Variants in CNTN5 observed in about 807,000 individuals in gnomAD.
CNTN5 encodes the protein contactin-5.
A neutral mutation model predicts 129.1 loss-of-function variants in CNTN5; 77 were observed. That is an observed-to-expected ratio of 0.60 (90% CI 0.50 to 0.72). CNTN5 has a LOEUF of 0.72. Among genes scored for constraint, CNTN5 ranks in the 30% least tolerant of loss-of-function variants. The pLI, the probability that CNTN5 is intolerant of heterozygous loss-of-function variation, is 0.00. For missense variants in CNTN5, 1,478 were observed against 1,328.8 expected, an observed-to-expected ratio of 1.11 and a Z score of -1.75; for synonymous variants, 509 against 465.6, an observed-to-expected ratio of 1.09 and a Z score of -1.20.
chr11:99,958,345 C>T (rs1447374173), intron 8 of CNTN5, among the ~76,000 whole-genome samples: 1 of 152,154 alleles, frequency 6.6e-6, no homozygotes, highest in Non-Finnish European at 1.5e-5. Flanking sequence ...GGCTAGCATA[C>T]ACAAATATTT....
At chr11:100,209,155 C>A (rs937817581) in intron 15 of CNTN5, among the ~76,000 whole-genome samples, 1 of 152,118 alleles carries the variant, frequency 6.6e-6, no homozygotes, top group Non-Finnish European at 1.5e-5. Flanking sequence ...GATCCAGGAC[C>A]ATTACTGTAG....
intron 1 of CNTN5, among the ~76,000 whole-genome samples, chr11:99,165,129 T>C (rs1239878436): frequency 6.6e-6 from 1 of 152,182 alleles, no homozygotes; most frequent in Non-Finnish European, 1.5e-5. Context: ...TTATTGCAAA[T>C]GAGCGTTTAT....
At chr11:100,232,077 C>T in intron 16 of CNTN5, among the ~76,000 whole-genome samples, 1 of 152,014 alleles carries the variant, frequency 6.6e-6, no homozygotes, top group East Asian at 1.9e-4. Flanking sequence ...TTGCTTGAAC[C>T]TGGGAGGGGG....
At chr11:99,294,102 G>A (rs905416480) in intron 1 of CNTN5, among the ~76,000 whole-genome samples, 2 of 152,062 alleles carry the variant, frequency 1.3e-5, no homozygotes, top group African/African-American at 2.4e-5. Context: ...ATTTGGGAAT[G>A]TTGTGTTTTC....
intron 1 of CNTN5, among the ~76,000 whole-genome samples, chr11:99,229,468 T>C (rs967368937): frequency 7.2e-6 from 1 of 139,476 alleles, no homozygotes; most frequent in African/African-American, 2.7e-5. Flanking sequence ...AAGTTTGAAA[T>C]AGGAACTAAA....
intron 3 of CNTN5, among the ~76,000 whole-genome samples, chr11:99,801,959 C>G (rs540572726): frequency 2.5e-4 from 38 of 152,232 alleles, no homozygotes; most frequent in East Asian, 1.5e-3. Context: ...TTTTATGGTG[C>G]CAGAATTCTG....
At chr11:99,324,425 C>G (rs866057662) in intron 1 of CNTN5, among the ~76,000 whole-genome samples, 1 of 152,218 alleles carries the variant, frequency 6.6e-6, no homozygotes, top group Middle Eastern at 3.4e-3. Flanking sequence ...TTTGTCCTCA[C>G]TAAATTTTTA....
intron 6 of CNTN5, 78 bp downstream of exon 6, chr11:99,845,340 G>C (rs1051529167): frequency 2.8e-5 from 13 of 464,692 alleles, no homozygotes; most frequent in Non-Finnish European, 4.2e-5. Flanking sequence ...ATTTAGTTCA[G>C]GAAAGAAAAG....
At chr11:100,302,736 A>T (rs1311682148) in intron 20 of CNTN5, among the ~76,000 whole-genome samples, 3 of 151,618 alleles carry the variant, frequency 2.0e-5, no homozygotes, top group African/African-American at 7.3e-5. Flanking sequence ...TCCCAATGGA[A>T]CATGGATAAT....
At chr11:99,355,824 T>TG (rs1452540649) in intron 2 of CNTN5, among the ~76,000 whole-genome samples, 108 of 149,916 alleles carry the variant, frequency 7.2e-4, no homozygotes, top group South Asian at 3.6e-3. Flanking sequence ...TTTTTTTGTT[T>TG]TTTTTTTTTT....
intron 13 of CNTN5, among the ~76,000 whole-genome samples, chr11:100,094,759 G>A (rs1263643416): frequency 8.6e-6 from 1 of 116,414 alleles, no homozygotes; most frequent in African/African-American, 3.3e-5. Flanking sequence ...GAGGGAGGGA[G>A]GGAGGAAAGG....
chr11:100,001,111 T>C (rs1038358992), intron 8 of CNTN5, among the ~76,000 whole-genome samples: 1 of 152,204 alleles, frequency 6.6e-6, no homozygotes, highest in Non-Finnish European at 1.5e-5. Context: ...TCGTTACTTA[T>C]GCAAATTTCT....
intron 6 of CNTN5, among the ~76,000 whole-genome samples, chr11:99,892,807 G>A (rs1361434626): frequency 1.3e-5 from 2 of 152,122 alleles, no homozygotes; most frequent in African/African-American, 2.4e-5. Context: ...CCTTGGCTAT[G>A]TGGGCTCTTT....
At chr11:100,185,217 TG>T (rs1387157003) in intron 13 of CNTN5, among the ~76,000 whole-genome samples, 1 of 152,124 alleles carries the variant, frequency 6.6e-6, no homozygotes, top group Non-Finnish European at 1.5e-5. Context: ...TTTTAACTTT[TG>T]GGGGGTTTTG....
chr11:99,803,081 A>C lies in CNTN5; in HGVS notation c.56-16463A>C, dbSNP rs116338901. On this transcript the variant is annotated intron_variant, in intron 3 of 24. Coordinates refer to ENST00000524871, the MANE Select transcript of CNTN5 (RefSeq NM_014361.4). ...CAAATGTCTGAAGATCTGCCTGGGC[A>C]TAGAGCAAATAGTGCCCCCCTGCAC... is the stretch of plus-strand genomic sequence containing the variant. 1.5e-3 allele frequency among the ~76,000 whole-genome samples: 225 copies of C among 152,306 alleles called. 1 individual carries two copies. The highest frequency in any genetic ancestry group is 5.1e-3 in the African/African-American group (211 of 41,572).
chr11:99,779,506 T>C (rs1194383011), intron 3 of CNTN5, among the ~76,000 whole-genome samples: 1 of 151,976 alleles, frequency 6.6e-6, no homozygotes, highest in Non-Finnish European at 1.5e-5. Flanking sequence ...AGAAGACTGG[T>C]AAATTTCCAG....
intron 2 of CNTN5, among the ~76,000 whole-genome samples, chr11:99,413,522 C>T (rs774390913): frequency 2.6e-5 from 4 of 151,754 alleles, no homozygotes; most frequent in East Asian, 1.9e-4. Flanking sequence ...GGGAGGCTGA[C>T]GCATGAGAAT....
intron 3 of CNTN5, among the ~76,000 whole-genome samples, chr11:99,650,889 T>A (rs1952129614): frequency 2.0e-5 from 3 of 151,964 alleles, no homozygotes; most frequent in Admixed American, 2.0e-4. Flanking sequence ...TTTAGCAATT[T>A]GGGCAATTAG....
At chr11:100,053,745 G>A (rs1035311162) in intron 9 of CNTN5, among the ~76,000 whole-genome samples, 1 of 151,714 alleles carries the variant, frequency 6.6e-6, no homozygotes, top group Non-Finnish European at 1.5e-5. Context: ...AATTAAAAAT[G>A]TGTGTTCACA....
Sources: gnomAD v4.1 joint callset for allele counts (sites outside exome capture counted in the v4.1 genomes callset) on GRCh38, gnomAD v4.1.1 for gene constraint, MANE v1.5 for transcripts, NCBI Gene and HGNC (gene_info 2026-07-23, HGNC 2026-07-21) for gene names.